The following FRMPD4 variants were observed in gnomAD, a reference collection of about 807,000 sequenced individuals.
FRMPD4 encodes FERM and PDZ domain-containing protein 4.
FRMPD4 carries 22 observed loss-of-function variants against 94.1 expected under a neutral mutation model. The ratio of observed to expected loss-of-function variants is 0.23; its 90% CI spans 0.17 to 0.33. The LOEUF (loss-of-function observed/expected upper bound fraction) is 0.33, where lower values mean the gene tolerates loss of function less well. Ranked by LOEUF, FRMPD4 falls within the 10% of genes least tolerant of loss-of-function variation. The pLI, the probability that FRMPD4 is intolerant of heterozygous loss-of-function variation, is 1.00. For missense variants in FRMPD4, 1,111 were observed against 1,339.9 expected (o/e 0.83, Z 2.67); for synonymous variants, 631 against 548.6 (o/e 1.15, Z -2.10).
intron 3 of FRMPD4, among the ~76,000 whole-genome samples, chrX:12,123,963 C>T (rs2055478476): frequency 9.0e-6 from 1 of 111,627 alleles, no homozygotes; most frequent in African/African-American, 3.3e-5. Flanking sequence ...GATATCCTTC[C>T]AGTGGCTTGT....
intron 3 of FRMPD4, among the ~76,000 whole-genome samples, chrX:11,950,748 G>A (rs1282841111): frequency 9.0e-6 from 1 of 111,483 alleles, no homozygotes; most frequent in Non-Finnish European, 1.9e-5. Flanking sequence ...TCTCACACCA[G>A]TCAGAATGGT....
At chrX:11,830,026 A>T (rs752071757) in intron 1 of FRMPD4, among the ~76,000 whole-genome samples, 1 of 111,775 alleles carries the variant, frequency 8.9e-6, no homozygotes, top group Non-Finnish European at 1.9e-5. Flanking sequence ...GCTTTCCCTT[A>T]TAAAGTGGAG....
At chrX:12,054,509 C>T (rs1601907068) in intron 3 of FRMPD4, among the ~76,000 whole-genome samples, 2 of 111,398 alleles carry the variant, frequency 1.8e-5, no homozygotes, top group South Asian at 3.8e-4. Context: ...CCCCCATTCT[C>T]ATTACCCACA....
intron 2 of FRMPD4, among the ~76,000 whole-genome samples, chrX:12,569,463 A>G (rs1313818776): frequency 2.7e-5 from 3 of 111,706 alleles, no homozygotes; most frequent in African/African-American, 9.8e-5. Context: ...TCAGGTTATC[A>G]ATCAGTAAAA....
At chrX:12,670,649 A>C (rs1201112644) in intron 4 of FRMPD4, among the ~76,000 whole-genome samples, 1 of 112,245 alleles carries the variant, frequency 8.9e-6, no homozygotes, top group Non-Finnish European at 1.9e-5. Flanking sequence ...TAGAAAACCT[A>C]GGCAATAACA....
chrX:12,593,357 T>C, intron 2 of FRMPD4, among the ~76,000 whole-genome samples: 1 of 112,180 alleles, frequency 8.9e-6, no homozygotes, highest in East Asian at 2.8e-4. Context: ...AATGTATCTT[T>C]TCTCTCTACT....
chrX:11,903,207 A>C (rs939595940), intron 3 of FRMPD4, among the ~76,000 whole-genome samples: 1 of 112,432 alleles, frequency 8.9e-6, no homozygotes, highest in African/African-American at 3.2e-5. Context: ...GGGAAATGGT[A>C]TGTGTTTTTG....
intron 3 of FRMPD4, among the ~76,000 whole-genome samples, chrX:12,003,559 C>A (rs1234377415): frequency 8.9e-6 from 1 of 111,778 alleles, no homozygotes; most frequent in Non-Finnish European, 1.9e-5. Context: ...GCATGCACTA[C>A]CACACCTGGC....
At chrX:12,703,788 A>G (rs1159392582) in intron 10 of FRMPD4, among the ~76,000 whole-genome samples, 2 of 111,973 alleles carry the variant, frequency 1.8e-5, no homozygotes, top group Non-Finnish European at 3.8e-5. Context: ...AGAGTCATGA[A>G]TCACACCCAA....
intron 7 of FRMPD4, among the ~76,000 whole-genome samples, chrX:12,688,645 TG>T (rs2060051388): frequency 9.0e-6 from 1 of 111,506 alleles, no homozygotes; most frequent in Non-Finnish European, 1.9e-5. Context: ...TCCTCCCTGG[TG>T]GTTCAGGAAA....
chrX:11,972,855 T>C (rs2054347913), intron 3 of FRMPD4, among the ~76,000 whole-genome samples: 1 of 112,408 alleles, frequency 8.9e-6, no homozygotes, highest in Admixed American at 9.4e-5. Context: ...TGTGAGTGAG[T>C]ATACAAGAAT....
chrX:12,078,078 T>A (rs1045458676), intron 3 of FRMPD4, among the ~76,000 whole-genome samples: 3 of 111,269 alleles, frequency 2.7e-5, no homozygotes, highest in African/African-American at 9.8e-5. Context: ...CCTCAGGCCG[T>A]TGGGAGAAGT....
intron 2 of FRMPD4, among the ~76,000 whole-genome samples, chrX:12,509,636 A>G (rs1212744122): frequency 9.0e-6 from 1 of 111,395 alleles, no homozygotes; most frequent in Non-Finnish European, 1.9e-5. Context: ...GGTACAATGT[A>G]TACTGCTCGG....
chrX:12,060,561 C>T (rs142146802), intron 3 of FRMPD4, among the ~76,000 whole-genome samples: 1,372 of 110,710 alleles, frequency 0.012, 7 homozygotes, highest in South Asian at 0.018. Flanking sequence ...AGACTTCCCC[C>T]CACTATCTAT....
intron 1 of FRMPD4, among the ~76,000 whole-genome samples, chrX:11,829,719 G>A (rs2053464445): frequency 8.9e-6 from 1 of 112,012 alleles, no homozygotes; most frequent in African/African-American, 3.2e-5. Context: ...TCTCCAGACA[G>A]GTGGATAACT....
In FRMPD4 at chrX:12,198,066, C is replaced by T. The variant is rs1343015614; in HGVS notation, c.41+59054C>T. 2.7e-5 allele frequency among the ~76,000 whole-genome samples: 3 copies of T among 111,835 alleles called. No homozygotes were observed. In the Admixed American group the frequency reaches 2.8e-4, roughly 11 times the overall value. ...ATATTCTCTTAAATAATGTAAAGCA[C>T]TCATAATATAAAACATATACAGATT... On this transcript the variant is annotated intron_variant, in intron 1 of 16. Transcript: ENST00000675598.
intron 1 of FRMPD4, among the ~76,000 whole-genome samples, chrX:12,151,084 G>T (rs983719136): frequency 9.0e-6 from 1 of 111,356 alleles, no homozygotes; most frequent in Admixed American, 9.6e-5. Flanking sequence ...GGGCCTATGA[G>T]AATTTTGCTT....
chrX:12,322,833 CTT>C (rs2055226977), intron 1 of FRMPD4, among the ~76,000 whole-genome samples: 1 of 111,103 alleles, frequency 9.0e-6, no homozygotes, highest in African/African-American at 3.3e-5. Flanking sequence ...TTTCATGAAA[CTT>C]TCATTTATTA....
chrX:12,451,245 C>CTTTTATTCATAGTATT (rs1288275422), intron 1 of FRMPD4, among the ~76,000 whole-genome samples: 2 of 111,821 alleles, frequency 1.8e-5, no homozygotes, highest in African/African-American at 6.5e-5. Flanking sequence ...GTTTTGCCTT[C>CTTTTATTCATAGTATT]TTTTATTCAT....
Sources: gnomAD v4.1 joint callset for allele counts (sites outside exome capture counted in the v4.1 genomes callset) on GRCh38, gnomAD v4.1.1 for gene constraint, MANE v1.5 for transcripts, NCBI Gene and HGNC (gene_info 2026-07-23, HGNC 2026-07-21) for gene names.